Variants in BEND4 observed in about 807,000 individuals in gnomAD.
The protein encoded by BEND4 is BEN domain containing 4, also known as BEN domain-containing protein 4.
BEND4 carries 27 observed loss-of-function variants against 54.7 expected under a neutral mutation model. The observed-to-expected ratio is 0.49, with a 90% CI of 0.36 to 0.68. The LOEUF (loss-of-function observed/expected upper bound fraction) is 0.68. Among genes scored for constraint, BEND4 ranks in the 30% least tolerant of loss-of-function variants. The pLI is 0.00. For synonymous variants in BEND4, 327 were observed against 299.5 expected, an observed-to-expected ratio of 1.09 and a Z score of -0.95; for missense variants, 702 against 697.2, an observed-to-expected ratio of 1.01 and a Z score of -0.08.
At chr4:42,142,455 A>T (rs972143523) in intron 3 of BEND4, among the ~76,000 whole-genome samples, 2 of 114,536 alleles carry the variant, frequency 1.7e-5, no homozygotes, top group Non-Finnish European at 3.3e-5. Flanking sequence ...CCCTATCTCT[A>T]CTAAAAAAAA....
chr4:42,133,888 C>T (rs1340520369), intron 3 of BEND4, among the ~76,000 whole-genome samples: 1 of 152,122 alleles, frequency 6.6e-6, no homozygotes, highest in African/African-American at 2.4e-5. Context: ...GGGAAAATGA[C>T]CTACTGTATA....
intron 2 of BEND4, among the ~76,000 whole-genome samples, chr4:42,148,755 T>C (rs927535446): frequency 1.3e-5 from 2 of 152,210 alleles, no homozygotes; most frequent in Admixed American, 6.5e-5. Flanking sequence ...ATAGGATTTA[T>C]TATAATTCAT....
chr4:42,150,808 C>G (rs1026699597), intron 2 of BEND4, among the ~76,000 whole-genome samples: 1 of 152,182 alleles, frequency 6.6e-6, no homozygotes, highest in African/African-American at 2.4e-5. Context: ...AGAGTGGGTG[C>G]CTCCCACGAG....
chr4:42,123,186 G>A (rs1291114885), intron 4 of BEND4, among the ~76,000 whole-genome samples: 1 of 152,112 alleles, frequency 6.6e-6, no homozygotes, highest in African/African-American at 2.4e-5. Context: ...ACCTGTTTTA[G>A]CATAGTTAAT....
rs147870448 is a variant in BEND4 at position 42,147,747 on chromosome 4, T to A, written c.488-3753A>T. Among the ~76,000 whole-genome samples, 27 of 152,314 alleles carry A rather than the reference T, an allele frequency of 1.8e-4. No homozygotes were observed. The East Asian group carries it at 4.0e-3, about 23-fold the overall frequency. On this transcript the variant is annotated intron_variant, in intron 2 of 5. Transcript: ENST00000502486. The stretch of plus-strand genomic sequence containing the variant: ...CCGATTCCAAAATCTGAACCCATGA[T>A]TATTTTTTTAATTAAAAAATTCATT...
At chr4:42,130,380 T>G (rs1720463453) in intron 3 of BEND4, among the ~76,000 whole-genome samples, 1 of 147,694 alleles carries the variant, frequency 6.8e-6, no homozygotes, top group Non-Finnish European at 1.5e-5. Context: ...CTCGGGAGGC[T>G]GAGGCAAGAA....
chr4:42,135,436 G>C lies in BEND4; in HGVS notation c.1054+7992C>G, dbSNP rs1283139138. ...TGAGTGCTTACTGGAAGATCAGTAGGTATCCCAACCATGCCTTATTGTATT... is the reference window on the plus strand; with the variant it reads ...TGAGTGCTTACTGGAAGATCAGTAGCTATCCCAACCATGCCTTATTGTATT... On this transcript the variant is annotated intron_variant, in intron 3 of 5. Transcript: ENST00000502486. Among the ~76,000 whole-genome samples, 3 of 152,064 alleles carry C rather than the reference G, an allele frequency of 2.0e-5. No homozygotes were observed. The East Asian group carries it at 5.8e-4, about 29-fold the overall frequency.
In BEND4 at chr4:42,110,923, A is replaced by C. The variant is rs1395231188; in HGVS notation, c.*6595T>G. On this transcript the variant is annotated 3_prime_UTR_variant, in exon 6 of 6. Transcript: ENST00000502486. The stretch of plus-strand genomic sequence containing the variant: ...TACAATGAATTAGAAAGATGCAAAA[A>C]CCAAGTTAAAACACTTAACAGAGAC... The C allele has an allele frequency of 6.6e-6, 1 of 152,194 alleles. No homozygotes were observed. Among genetic ancestry groups the C allele is most frequent in the Admixed American group, 6.5e-5 (1 of 15,284 alleles). The allele number at this position is 152,194 out of a possible 1,614,324, so 9.4% of individuals were successfully genotyped here. A position where few individuals can be genotyped will look rare whatever the true frequency, so the allele number is the denominator to read the frequency against.
At chr4:42,131,742 A>G (rs1483206255) in intron 3 of BEND4, among the ~76,000 whole-genome samples, 1 of 152,156 alleles carries the variant, frequency 6.6e-6, no homozygotes, top group Non-Finnish European at 1.5e-5. Flanking sequence ...ACCTGGGCAC[A>G]GGCTAAGGAC....
intron 3 of BEND4, among the ~76,000 whole-genome samples, chr4:42,140,513 T>G (rs1337380827): frequency 6.6e-6 from 1 of 152,212 alleles, no homozygotes; most frequent in Non-Finnish European, 1.5e-5. Context: ...TAGCCTAATT[T>G]CAACCAGTGT....
chr4:42,129,703 T>A (rs1417982801), intron 3 of BEND4, among the ~76,000 whole-genome samples: 1 of 152,208 alleles, frequency 6.6e-6, no homozygotes, highest in Non-Finnish European at 1.5e-5. Flanking sequence ...TACCCCTTCC[T>A]TATACCTTAT....
At position 42,152,050 on chromosome 4, in the gene BEND4, T is replaced by G; in HGVS notation, c.94A>C (p.Ser32Arg). The change falls in exon 2 of 6, where the codon AGC becomes CGC. Residue 32 changes from serine (S) to arginine (R), a missense_variant. Physicochemically the swap from Ser to Arg is moderately radical, Grantham distance 110 (BLOSUM62 -1). Coordinates refer to ENST00000502486, the MANE Select transcript of BEND4 (RefSeq NM_207406.4). ...CGCTTGGCCAGCGCCGGTCTCTTGC[T>G]GGGGAACGTCTTGAGGACGCTGTAG... is the stretch of plus-strand genomic sequence containing the variant. ...SPYSVLKTFP[S>R]KRPALAKRYE... is the part of the protein sequence containing the mutation. 1 of 1,251,714 alleles carries G rather than the reference T, an allele frequency of 8.0e-7. No individual in the cohort carries two copies. The highest frequency in any genetic ancestry group is 1.0e-6 in the Non-Finnish European group (1 of 990,914). The allele number at this position is 1,251,714 out of a possible 1,614,324, so 77.5% of individuals were successfully genotyped here.
intron 4 of BEND4, among the ~76,000 whole-genome samples, chr4:42,121,706 G>C (rs1339904618): frequency 1.3e-5 from 2 of 152,180 alleles, no homozygotes; most frequent in African/African-American, 4.8e-5. Flanking sequence ...TTCAGCCCCG[G>C]TTGCAGTTTC....
At chr4:42,145,926 T>C (rs1721066842) in intron 2 of BEND4, among the ~76,000 whole-genome samples, 1 of 152,138 alleles carries the variant, frequency 6.6e-6, no homozygotes, top group African/African-American at 2.4e-5. Context: ...TGTACATACA[T>C]AAGAGCATCT....
At chr4:42,124,550 G>C (rs1174532968) in intron 4 of BEND4, among the ~76,000 whole-genome samples, 1 of 152,124 alleles carries the variant, frequency 6.6e-6, no homozygotes, top group East Asian at 1.9e-4. Flanking sequence ...AGGAGGAGAG[G>C]TGAGGGCCTG....
At chr4:42,139,089 C>T (rs896583500) in intron 3 of BEND4, among the ~76,000 whole-genome samples, 1 of 152,138 alleles carries the variant, frequency 6.6e-6, no homozygotes, top group African/African-American at 2.4e-5. Context: ...AAGTTCTATG[C>T]ACTATTTTCC....
chr4:42,112,338 T>C lies in BEND4; in HGVS notation c.*5180A>G, dbSNP rs377407247. On this transcript the variant is annotated 3_prime_UTR_variant, in exon 6 of 6. Transcript: ENST00000502486. Reference sequence around the variant, plus strand: ...AAGTAACTGTCACACAATAACTCAATAGATAGATATTAACTATAGTTACTA... The same window carrying C: ...AAGTAACTGTCACACAATAACTCAACAGATAGATATTAACTATAGTTACTA... The C allele has an allele frequency of 1.3e-5, 2 of 152,190 alleles. No individual in the cohort carries two copies. Among genetic ancestry groups the C allele is most frequent in the African/African-American group, 2.4e-5 (1 of 41,452 alleles). The allele number at this position is 152,190 out of a possible 1,614,324, so 9.4% of individuals were successfully genotyped here. A position where few individuals can be genotyped will look rare whatever the true frequency, so the allele number is the denominator to read the frequency against.
intron 3 of BEND4, among the ~76,000 whole-genome samples, chr4:42,130,918 G>A (rs1179331215): frequency 6.6e-6 from 1 of 152,172 alleles, no homozygotes; most frequent in Non-Finnish European, 1.5e-5. Context: ...CCTTTGCAGG[G>A]ACATGGATGA....
intron 3 of BEND4, among the ~76,000 whole-genome samples, chr4:42,132,737 A>C (rs1218814929): frequency 2.0e-5 from 3 of 151,810 alleles, no homozygotes; most frequent in Non-Finnish European, 1.5e-5. Context: ...GAGCCACCGC[A>C]CCCAGCCTAA....
Sources: allele counts gnomAD v4.1 joint callset (sites outside exome capture counted in the v4.1 genomes callset), GRCh38; gene constraint gnomAD v4.1.1; transcripts MANE v1.5; gene names NCBI Gene and HGNC (gene_info 2026-07-23, HGNC 2026-07-21).